The following LRRTM4 variants were observed in gnomAD, a reference collection of about 807,000 sequenced individuals.
LRRTM4 encodes the protein leucine-rich repeat transmembrane neuronal protein 4.
A neutral mutation model predicts 47.6 loss-of-function variants in LRRTM4; 25 were observed. The observed-to-expected ratio is 0.53, with a 90% CI of 0.38 to 0.73. LRRTM4 has a LOEUF of 0.73. Among genes scored for constraint, LRRTM4 ranks in the 30% least tolerant of loss-of-function variants. LRRTM4 has a pLI of 0.00. For synonymous variants in LRRTM4, 311 were observed against 269.5 expected (o/e 1.15, Z -1.51); for missense variants, 638 against 713.4 (o/e 0.89, Z 1.20).
chr2:76,852,390 CTATGCAAATTGTAG>C (rs1276085236), intron 3 of LRRTM4, among the ~76,000 whole-genome samples: 1 of 152,130 alleles, frequency 6.6e-6, no homozygotes, highest in African/African-American at 2.4e-5. Flanking sequence ...TCTTTTCTGA[CTATGCAAATTGTAG>C]GCTTATGTGA....
chr2:76,899,265 C>T (rs1218787663), intron 3 of LRRTM4, among the ~76,000 whole-genome samples: 1 of 150,648 alleles, frequency 6.6e-6, no homozygotes, highest in Non-Finnish European at 1.5e-5. Context: ...AAACACCTGC[C>T]CTCATGAAAC....
At position 77,164,056 on chromosome 2, in the gene LRRTM4, A is replaced by G. The variant is rs564212315; in HGVS notation, c.1551+354262T>C. ...CAACACCCATCAGTGTGCTGTATTC[A>G]GGAGACCCATCTCACATGCAGAGAC... On this transcript the variant is annotated intron_variant, in intron 3 of 3. Coordinates refer to ENST00000409884, the MANE Select transcript of LRRTM4 (RefSeq NM_001134745.3). Among the ~76,000 whole-genome samples, 315 of 152,328 alleles carry G rather than the reference A, an allele frequency of 2.1e-3. 1 individual carries two copies. Among genetic ancestry groups the G allele is most frequent in the African/African-American group, 7.3e-3 (305 of 41,576 alleles).
intron 3 of LRRTM4, among the ~76,000 whole-genome samples, chr2:77,412,349 T>A (rs977258265): frequency 6.6e-6 from 1 of 152,224 alleles, no homozygotes; most frequent in Admixed American, 6.5e-5. Context: ...TCTCTTAATA[T>A]GTTCCATTCC....
intron 3 of LRRTM4, among the ~76,000 whole-genome samples, chr2:76,971,840 G>A (rs1439601239): frequency 6.6e-6 from 1 of 151,706 alleles, no homozygotes; most frequent in Non-Finnish European, 1.5e-5. Flanking sequence ...AAAATATACG[G>A]ACAAAACATA....
At chr2:76,948,025 T>C (rs889118223) in intron 3 of LRRTM4, among the ~76,000 whole-genome samples, 4 of 151,852 alleles carry the variant, frequency 2.6e-5, no homozygotes, top group African/African-American at 7.2e-5. Flanking sequence ...ATTTTGCAGA[T>C]CCTCAAACTA....
At chr2:77,409,825 C>G (rs438861) in intron 3 of LRRTM4, among the ~76,000 whole-genome samples, 72,552 of 151,956 alleles carry the variant, frequency 0.48, 17,513 homozygotes, top group East Asian at 0.59. Flanking sequence ...TAGAAAATAA[C>G]AAGTATTTGC....
chr2:76,821,308 G>A (rs1489084698), intron 3 of LRRTM4, among the ~76,000 whole-genome samples: 1 of 151,602 alleles, frequency 6.6e-6, no homozygotes. Context: ...ATCATAAAAA[G>A]TGATTTAAAA....
intron 3 of LRRTM4, among the ~76,000 whole-genome samples, chr2:77,391,030 T>G (rs865915089): frequency 7.9e-5 from 12 of 152,126 alleles, no homozygotes; most frequent in African/African-American, 1.2e-4. Context: ...AGCTTATTTT[T>G]GGGGAGCATG....
At chr2:76,890,788 T>G (rs147335125) in intron 3 of LRRTM4, among the ~76,000 whole-genome samples, 6 of 151,978 alleles carry the variant, frequency 3.9e-5, no homozygotes, top group African/African-American at 1.4e-4. Context: ...CAAAGTTTAA[T>G]TCATACAGAA....
chr2:77,419,612 G>A (rs2103878226), intron 3 of LRRTM4, among the ~76,000 whole-genome samples: 1 of 152,110 alleles, frequency 6.6e-6, no homozygotes, highest in South Asian at 2.1e-4. Flanking sequence ...GAATATTTTT[G>A]ACCCACAGTT....
chr2:76,791,259 A>G (rs1030600084), intron 3 of LRRTM4, among the ~76,000 whole-genome samples: 7 of 152,214 alleles, frequency 4.6e-5, no homozygotes, highest in African/African-American at 1.7e-4. Flanking sequence ...AAAAGGCTTC[A>G]CAGAGCACCT....
intron 3 of LRRTM4, among the ~76,000 whole-genome samples, chr2:76,962,417 A>G (rs1562343): frequency 0.053 from 7,958 of 151,030 alleles, 477 homozygotes; most frequent in East Asian, 0.14. Context: ...TGTTGTTTGC[A>G]TAACAATATA....
chr2:77,437,165 G>A (rs1312430633), intron 3 of LRRTM4, among the ~76,000 whole-genome samples: 1 of 151,920 alleles, frequency 6.6e-6, no homozygotes, highest in Non-Finnish European at 1.5e-5. Context: ...AGCTAAATTT[G>A]ACGATTTTTA....
chr2:77,237,751 G>A (rs985615240), intron 3 of LRRTM4, among the ~76,000 whole-genome samples: 2 of 152,066 alleles, frequency 1.3e-5, no homozygotes, highest in Non-Finnish European at 2.9e-5. Flanking sequence ...ATTATGGCAG[G>A]AAATACACAG....
intron 3 of LRRTM4, among the ~76,000 whole-genome samples, chr2:77,444,484 GA>G (rs1675970354): frequency 6.6e-6 from 1 of 152,020 alleles, no homozygotes; most frequent in African/African-American, 2.4e-5. Context: ...TGACTCAATT[GA>G]TTATTTCCAG....
chr2:77,053,691 G>C (rs1679513487), intron 3 of LRRTM4, among the ~76,000 whole-genome samples: 1 of 151,974 alleles, frequency 6.6e-6, no homozygotes, highest in African/African-American at 2.4e-5. Flanking sequence ...TAGAATTAAT[G>C]AGTCTCTTTG....
chr2:77,050,428 G>A (rs1440781191), intron 3 of LRRTM4, among the ~76,000 whole-genome samples: 1 of 152,058 alleles, frequency 6.6e-6, no homozygotes, highest in Non-Finnish European at 1.5e-5. Context: ...ATATTACCTT[G>A]TAAATAGCAT....
chr2:76,888,200 T>C (rs1195465569), intron 3 of LRRTM4, among the ~76,000 whole-genome samples: 3 of 151,296 alleles, frequency 2.0e-5, no homozygotes, highest in African/African-American at 7.3e-5. Flanking sequence ...TAGCTGTGAA[T>C]GTATTCTTGG....
chr2:76,909,822 C>T (rs550304274), intron 3 of LRRTM4, among the ~76,000 whole-genome samples: 65 of 152,214 alleles, frequency 4.3e-4, no homozygotes, highest in African/African-American at 1.1e-3. Context: ...GTTAGAATGG[C>T]AATCATTAAA....
Sources: allele counts gnomAD v4.1 joint callset (sites outside exome capture counted in the v4.1 genomes callset), GRCh38; gene constraint gnomAD v4.1.1; transcripts MANE v1.5; gene names NCBI Gene and HGNC (gene_info 2026-07-23, HGNC 2026-07-21).